Variants in IGF2BP3 observed in about 807,000 individuals in gnomAD.
IGF2BP3 encodes the protein insulin like growth factor 2 mRNA binding protein 3.
IGF2BP3 carries 9 observed loss-of-function variants against 73.8 expected under a neutral mutation model. That is an observed-to-expected ratio of 0.12 (90% CI 0.07 to 0.21). The LOEUF is 0.21. IGF2BP3 is among the 10% of genes least tolerant of loss of function. IGF2BP3 has a pLI of 1.00. For synonymous variants in IGF2BP3, 258 were observed against 256.7 expected, an observed-to-expected ratio of 1.01 and a Z score of -0.05; for missense variants, 542 against 714.0, an observed-to-expected ratio of 0.76 and a Z score of 2.75.
chr7:23,317,606 C>A, intron 12 of IGF2BP3, 33 bp downstream of exon 12: 1 of 1,539,934 alleles, frequency 6.5e-7, no homozygotes, highest in Non-Finnish European at 9.0e-7. Flanking sequence ...CATTTGTTAC[C>A]TGTGGACATA....
chr7:23,437,199 C>T (rs1163103928), intron 2 of IGF2BP3, among the ~76,000 whole-genome samples: 1 of 151,020 alleles, frequency 6.6e-6, no homozygotes, highest in Non-Finnish European at 1.5e-5. Flanking sequence ...ATAAAATTAT[C>T]GGCCAGGCAT....
chr7:23,349,290 T>C (rs929369828), intron 6 of IGF2BP3, among the ~76,000 whole-genome samples: 2 of 152,314 alleles, frequency 1.3e-5, no homozygotes, highest in East Asian at 1.9e-4. Flanking sequence ...AAAATCAAGA[T>C]TTGGCTTTCA....
intron 3 of IGF2BP3, 129 bp downstream of exon 3, chr7:23,418,647 C>T (rs1441521649): frequency 2.4e-5 from 13 of 544,108 alleles, no homozygotes; most frequent in East Asian, 2.1e-4. Context: ...CACCAAGGCA[C>T]GGGTCATAGG....
chr7:23,354,139 G>A (rs148104979), intron 5 of IGF2BP3, among the ~76,000 whole-genome samples: 10 of 152,206 alleles, frequency 6.6e-5, no homozygotes, highest in East Asian at 5.8e-4. Context: ...GATTACAGGC[G>A]CACGCCACCA....
intron 2 of IGF2BP3, among the ~76,000 whole-genome samples, chr7:23,420,783 T>G (rs1787322570): frequency 6.6e-6 from 1 of 152,184 alleles, no homozygotes; most frequent in Non-Finnish European, 1.5e-5. Context: ...AGAAGCACTT[T>G]TACATTATTT....
chr7:23,430,515 A>C (rs1292527468), intron 2 of IGF2BP3, among the ~76,000 whole-genome samples: 2 of 152,172 alleles, frequency 1.3e-5, no homozygotes, highest in African/African-American at 4.8e-5. Flanking sequence ...CCGGCTGCAA[A>C]TTTTCATTCC....
intron 2 of IGF2BP3, among the ~76,000 whole-genome samples, chr7:23,420,337 G>A (rs901965279): frequency 6.6e-6 from 1 of 151,990 alleles, no homozygotes; most frequent in Non-Finnish European, 1.5e-5. Flanking sequence ...AACTAGCTGG[G>A]CATGGTGTTG....
intron 2 of IGF2BP3, among the ~76,000 whole-genome samples, chr7:23,464,746 C>A (rs978277443): frequency 2.0e-5 from 3 of 149,592 alleles, no homozygotes; most frequent in Non-Finnish European, 4.5e-5. Context: ...AAAATCCTAC[C>A]CTGAAAGGAA....
intron 8 of IGF2BP3, among the ~76,000 whole-genome samples, chr7:23,345,004 A>G (rs756400060): frequency 2.1e-4 from 32 of 152,182 alleles, no homozygotes; most frequent in Non-Finnish European, 4.4e-4. Flanking sequence ...ACAAAGTAGT[A>G]TTACTTATTG....
intron 8 of IGF2BP3, among the ~76,000 whole-genome samples, chr7:23,345,179 C>A (rs1260931456): frequency 6.6e-6 from 1 of 152,186 alleles, no homozygotes; most frequent in Non-Finnish European, 1.5e-5. Context: ...TTTTTGAGTA[C>A]TCTGAGTGAA....
chr7:23,322,211 C>A (rs1379950046), intron 10 of IGF2BP3, among the ~76,000 whole-genome samples: 2 of 152,122 alleles, frequency 1.3e-5, no homozygotes, highest in Non-Finnish European at 2.9e-5. Flanking sequence ...ATAACCAATA[C>A]ACAGAAGTGC....
chr7:23,467,930 T>A (rs1033713709), intron 2 of IGF2BP3: 4 of 156,998 alleles, frequency 2.5e-5, no homozygotes, highest in Admixed American at 2.4e-4. Context: ...TCGGAGTGAC[T>A]CAAAGGCACT....
At chr7:23,318,067 G>A (rs1784039968) in intron 11 of IGF2BP3, among the ~76,000 whole-genome samples, 1 of 152,174 alleles carries the variant, frequency 6.6e-6, no homozygotes, top group Non-Finnish European at 1.5e-5. Context: ...AGAGCTAGAG[G>A]GAGAGCTGGG....
At chr7:23,457,885 G>T (rs1361718901) in intron 2 of IGF2BP3, among the ~76,000 whole-genome samples, 3 of 152,128 alleles carry the variant, frequency 2.0e-5, no homozygotes, top group Non-Finnish European at 4.4e-5. Flanking sequence ...ACAATCTGTT[G>T]TATCTATGTT....
chr7:23,399,633 G>A (rs966000008), intron 3 of IGF2BP3, among the ~76,000 whole-genome samples: 1 of 151,982 alleles, frequency 6.6e-6, no homozygotes, highest in Non-Finnish European at 1.5e-5. Flanking sequence ...TGATTAATTT[G>A]TTACAGCAGC....
At chr7:23,383,217 G>T (rs1022629217) in intron 3 of IGF2BP3, among the ~76,000 whole-genome samples, 1 of 152,128 alleles carries the variant, frequency 6.6e-6, no homozygotes, top group Non-Finnish European at 1.5e-5. Flanking sequence ...GGACACGTAG[G>T]CTGATGGATT....
intron 3 of IGF2BP3, chr7:23,413,626 T>C (rs1407925461): frequency 6.6e-6 from 1 of 152,154 alleles, no homozygotes; most frequent in African/African-American, 2.4e-5. Flanking sequence ...GCCCTACCCT[T>C]ATCCATTTAA....
At chr7:23,464,346 C>G (rs915400086) in intron 2 of IGF2BP3, among the ~76,000 whole-genome samples, 25 of 152,040 alleles carry the variant, frequency 1.6e-4, no homozygotes, top group African/African-American at 6.0e-4. Context: ...TTTGCATTTT[C>G]CCCCACTTTT....
At chr7:23,325,395 A>G (rs1315335790) in intron 10 of IGF2BP3, among the ~76,000 whole-genome samples, 2 of 152,156 alleles carry the variant, frequency 1.3e-5, no homozygotes, top group African/African-American at 4.8e-5. Context: ...AAGGAGAACT[A>G]CAAACCACTG....
Sources: gnomAD v4.1 joint callset for allele counts (sites outside exome capture counted in the v4.1 genomes callset) on GRCh38, gnomAD v4.1.1 for gene constraint, MANE v1.5 for transcripts, NCBI Gene and HGNC (gene_info 2026-07-23, HGNC 2026-07-21) for gene names.